Variants in ACACA observed in about 807,000 individuals in gnomAD.
The protein encoded by ACACA is acetyl-CoA carboxylase alpha.
A neutral mutation model predicts 296.1 loss-of-function variants in ACACA; 103 were observed. The ratio of observed to expected loss-of-function variants is 0.35; its 90% CI spans 0.30 to 0.41. The LOEUF is 0.41. ACACA is among the 10% of genes least tolerant of loss of function. ACACA has a pLI of 1.00. For missense variants in ACACA, 1,554 were observed against 2,989.7 expected, an observed-to-expected ratio of 0.52 and a Z score of 11.20; for synonymous variants, 953 against 1,038.6, an observed-to-expected ratio of 0.92 and a Z score of 1.58.
intron 42 of ACACA, among the ~76,000 whole-genome samples, chr17:37,160,083 A>C (rs2076400952): frequency 6.6e-6 from 1 of 152,206 alleles, no homozygotes; most frequent in Non-Finnish European, 1.5e-5. Flanking sequence ...AAGTGGGTTC[A>C]AGAGGGAATG....
At chr17:37,210,578 A>G in intron 29 of ACACA, 88 bp from the exon 30 acceptor site, 1 of 1,280,844 alleles carries the variant, frequency 7.8e-7, no homozygotes, top group Non-Finnish European at 1.1e-6. Flanking sequence ...ACCAGTCATG[A>G]GGAGCTCCAG....
chr17:37,252,927 C>T lies in ACACA; in HGVS notation c.1936G>A (p.Asp646Asn). The T allele has an allele frequency of 6.2e-7, 1 of 1,614,222 alleles. No homozygotes were observed. Among genetic ancestry groups the T allele is most frequent in the Non-Finnish European group, 8.5e-7 (1 of 1,180,034 alleles). The change falls in exon 15 of 56, where the codon GAT becomes AAT. Residue 646 changes from aspartate to asparagine, a missense_variant. Around this residue, in one of 16 missense-constraint regions of ACACA, gnomAD observed 35 missense variants for 139.4 expected, o/e 0.25. Transcript: ENST00000616317. ...ATCAGTCTGTCCAGCCAGCCAGTATCAATTCTGTTCATCTGAAAGCTTTCA... is the reference window on the plus strand; with the variant it reads ...ATCAGTCTGTCCAGCCAGCCAGTATTAATTCTGTTCATCTGAAAGCTTTCA... ...ETESFQMNRI[D>N]TGWLDRLIAE...
At chr17:37,244,781 A>G (rs2145984508) in intron 20 of ACACA, 47 bp from the exon 21 acceptor site, 1 of 1,611,452 alleles carries the variant, frequency 6.2e-7, no homozygotes, top group Non-Finnish European at 8.5e-7. Flanking sequence ...TTTTGATCTA[A>G]GGTACAAACA....
chr17:37,405,034 C>G (rs2051423842), intron 1 of ACACA, among the ~76,000 whole-genome samples: 1 of 152,192 alleles, frequency 6.6e-6, no homozygotes, highest in African/African-American at 2.4e-5. Flanking sequence ...CCACACTGGT[C>G]TTGCCCTTTC....
At chr17:37,114,702 A>T (rs2074155364) in intron 50 of ACACA, among the ~76,000 whole-genome samples, 1 of 152,194 alleles carries the variant, frequency 6.6e-6, no homozygotes, top group African/African-American at 2.4e-5. Context: ...ACTGAAGTCC[A>T]TTGCTAAAGC....
intron 25 of ACACA, among the ~76,000 whole-genome samples, chr17:37,233,459 T>C (rs1473542439): frequency 6.6e-6 from 1 of 152,248 alleles, no homozygotes; most frequent in Non-Finnish European, 1.5e-5. Flanking sequence ...ACTCTTCCGC[T>C]GCTCCAAGGA....
At chr17:37,390,140 G>GTATATATATATATA (rs1243535532) in intron 1 of ACACA, among the ~76,000 whole-genome samples, 8 of 34,630 alleles carry the variant, frequency 2.3e-4, no homozygotes, top group African/African-American at 2.9e-4. Context: ...AAAAAAAAAA[G>GTATATATATATATA]TATATATATA....
intron 2 of ACACA, among the ~76,000 whole-genome samples, chr17:37,331,204 G>T (rs570183678): frequency 2.0e-5 from 3 of 151,408 alleles, no homozygotes; most frequent in Middle Eastern, 3.4e-3. Context: ...TGCAAGCTCC[G>T]CCTCCCGGGT....
chr17:37,233,181 G>A (rs2079944181), intron 25 of ACACA, among the ~76,000 whole-genome samples: 1 of 152,190 alleles, frequency 6.6e-6, no homozygotes, highest in African/African-American at 2.4e-5. Flanking sequence ...ACACACTTGA[G>A]TGACTGGACT....
rs9898937 is a variant in ACACA, at chr17:37,116,653, G to T, written c.6275-3388C>A. Reference sequence around the variant, plus strand: ...AACCATCAAAACACCCAAAAAGCAGGCTATTAAAATATAAACAAACACACA... The same window carrying T: ...AACCATCAAAACACCCAAAAAGCAGTCTATTAAAATATAAACAAACACACA... On this transcript the variant is annotated intron_variant, in intron 50 of 55. Transcript: ENST00000616317. Among the ~76,000 whole-genome samples the T allele has an allele frequency of 3.0e-3, 462 of 152,218 alleles. 2 individuals are homozygous for T. Among genetic ancestry groups the T allele is most frequent in the African/African-American group, 0.01 (436 of 41,530 alleles).
At chr17:37,362,780 C>G (rs1027372755) in intron 1 of ACACA, among the ~76,000 whole-genome samples, 1 of 152,042 alleles carries the variant, frequency 6.6e-6, no homozygotes, top group Non-Finnish European at 1.5e-5. Flanking sequence ...TCGAGACCAT[C>G]CTGGCTAATG....
intron 55 of ACACA, among the ~76,000 whole-genome samples, chr17:37,088,620 A>G (rs1037403584): frequency 6.6e-6 from 1 of 152,160 alleles, no homozygotes; most frequent in African/African-American, 2.4e-5. Context: ...TTCCCAGGAA[A>G]CCACCACACA....
In ACACA at chr17:37,113,295, A is replaced by C. The variant is rs3815059; in HGVS notation, c.6275-30T>G. On this transcript the variant is annotated intron_variant, in intron 50 of 55. Coordinates refer to ENST00000616317, the MANE Select transcript of ACACA (RefSeq NM_198834.3). The surrounding 1 kb of genome is among the most constrained non-coding windows in gnomAD (Gnocchi z 4.0). Reference sequence around the variant, plus strand: ...GGAGAATGAGACAAATTAGAAATCAAGAAATTTCTCTTCCTCAAAGCAGTA... The same window carrying C: ...GGAGAATGAGACAAATTAGAAATCACGAAATTTCTCTTCCTCAAAGCAGTA... 6.2e-7 allele frequency: 1 copy of C among 1,607,950 alleles called. No homozygotes were observed. Among genetic ancestry groups the C allele is most frequent in the African/African-American group, 1.3e-5 (1 of 74,852 alleles).
intron 2 of ACACA, among the ~76,000 whole-genome samples, chr17:37,331,433 G>T (rs829166): frequency 0.2 from 30,574 of 149,770 alleles, 3,266 homozygotes; most frequent in Admixed American, 0.34. Flanking sequence ...TTTTGAGACG[G>T]AGTCTCACTC....
At chr17:37,343,474 G>C (rs780049869) in intron 1 of ACACA, among the ~76,000 whole-genome samples, 13 of 151,920 alleles carry the variant, frequency 8.6e-5, no homozygotes, top group Non-Finnish European at 1.8e-4. Context: ...TCACTTAAAT[G>C]TTTTCAAAGA....
chr17:37,241,339 C>G (rs1378026774), intron 23 of ACACA, among the ~76,000 whole-genome samples: 1 of 152,088 alleles, frequency 6.6e-6, no homozygotes, highest in Non-Finnish European at 1.5e-5. Context: ...ATACTGGGCC[C>G]TGTGACAGAA....
intron 41 of ACACA, among the ~76,000 whole-genome samples, chr17:37,166,773 C>T (rs1305194849): frequency 6.6e-6 from 1 of 152,110 alleles, no homozygotes; most frequent in Non-Finnish European, 1.5e-5. Context: ...ATGACAGCAC[C>T]TTTCTGGAGG....
chr17:37,228,770 G>A (rs915305033), intron 25 of ACACA, among the ~76,000 whole-genome samples: 3 of 152,116 alleles, frequency 2.0e-5, no homozygotes, highest in Non-Finnish European at 4.4e-5. Context: ...GAAGTCTACT[G>A]GGTAATGCCA....
At chr17:37,287,235 G>A (rs1310666742) in intron 3 of ACACA, among the ~76,000 whole-genome samples, 1 of 152,168 alleles carries the variant, frequency 6.6e-6, no homozygotes, top group Non-Finnish European at 1.5e-5. Flanking sequence ...AAGAAGGTAT[G>A]ATTAAAATCT....
Sources: allele counts gnomAD v4.1 joint callset (sites outside exome capture counted in the v4.1 genomes callset), GRCh38; gene constraint gnomAD v4.1.1; regional missense constraint gnomAD v4.1.1; non-coding constraint Gnocchi (gnomAD v3.1); transcripts MANE v1.5; gene names NCBI Gene and HGNC (gene_info 2026-07-23, HGNC 2026-07-21).